Variants in NOS1 observed in about 807,000 individuals in gnomAD.
NOS1 encodes the protein nitric oxide synthase 1.
In NOS1, 51 loss-of-function variants were observed where a neutral mutation model predicts 164.5. The ratio of observed to expected loss-of-function variants is 0.31; its 90% CI spans 0.25 to 0.39. The LOEUF is 0.39. Ranked by LOEUF, NOS1 falls within the 10% of genes least tolerant of loss-of-function variation. NOS1 has a pLI of 1.00. For synonymous variants in NOS1, 719 were observed against 745.8 expected (o/e 0.96, Z 0.59); for missense variants, 1,362 against 1,885.6 (o/e 0.72, Z 5.14).
At chr12:117,233,758 A>G (rs1036861398) in intron 21 of NOS1, among the ~76,000 whole-genome samples, 1 of 149,536 alleles carries the variant, frequency 6.7e-6, no homozygotes, top group Non-Finnish European at 1.5e-5. Flanking sequence ...TGGTGAGCCA[A>G]GATTGCGCCA....
At position 117,214,400 on chromosome 12, in the gene NOS1, C is replaced by T; in HGVS notation, c.*909G>A. ...TCTTTGAACAACATAACTTCCAGGC[C>T]CCTTGGATGCTATTGCTGGAGGAGG... On this transcript the variant is annotated 3_prime_UTR_variant, in exon 29 of 29. Transcript: ENST00000317775. 2 of 985,272 alleles carry T rather than the reference C, an allele frequency of 2.0e-6. No individual in the cohort carries two copies. Among genetic ancestry groups the T allele is most frequent in the Non-Finnish European group, 2.4e-6 (2 of 829,918 alleles). The allele number at this position is 985,272 out of a possible 1,614,324, so 61.0% of individuals were successfully genotyped here.
Position 117,234,748 on chromosome 12 carries a change from T to C in NOS1, c.3052A>G (p.Ile1018Val). ...LQSPKSSRST[I>V]FVRLHTNGSQ... ...CCGTTGGTGTGGAGACGCACGAAGA[T>C]AGTTGACCGACTGCAGGAAATTGCA... is the stretch of plus-strand genomic sequence containing the variant. Residue 1018 changes from isoleucine to valine, a missense_variant, in exon 21 of 29, where the codon ATC (isoleucine) becomes GTC (valine). Around this residue, in one of 4 missense-constraint regions of NOS1, gnomAD observed 737 missense variants for 1,030.3 expected, o/e 0.72. Transcript: ENST00000317775. The surrounding 1 kb of genome is among the most constrained non-coding windows in gnomAD (Gnocchi z 4.3). 1 of 1,609,562 alleles carries C rather than the reference T, an allele frequency of 6.2e-7. No homozygotes were observed. Among genetic ancestry groups the C allele is most frequent in the Non-Finnish European group, 8.5e-7 (1 of 1,176,628 alleles).
chr12:117,232,170 G>C (rs1426323345), intron 21 of NOS1, 39 bp from the exon 22 acceptor site: 16 of 1,604,328 alleles, frequency 1.0e-5, no homozygotes, highest in Admixed American at 1.7e-5. Context: ...GGGTGTGGGA[G>C]GGCTTGAGTC....
At chr12:117,269,579 G>A (rs1223409648) in intron 10 of NOS1, among the ~76,000 whole-genome samples, 1 of 146,472 alleles carries the variant, frequency 6.8e-6, no homozygotes, top group Admixed American at 7.1e-5. Flanking sequence ...TGATTCTCCT[G>A]CCTCAGCCTC....
chr12:117,277,449 G>A (rs1217268728), intron 9 of NOS1, among the ~76,000 whole-genome samples: 4 of 151,570 alleles, frequency 2.6e-5, no homozygotes, highest in Non-Finnish European at 5.9e-5. Flanking sequence ...GCCAAGCATG[G>A]TGGTGTGTGG....
chr12:117,244,702 G>A (rs1448291583), intron 18 of NOS1, among the ~76,000 whole-genome samples: 1 of 152,166 alleles, frequency 6.6e-6, no homozygotes, highest in Admixed American at 6.5e-5. Context: ...TCCATACAAC[G>A]GAATATTATT....
chr12:117,266,355 G>A (rs1277077697), intron 11 of NOS1, among the ~76,000 whole-genome samples: 1 of 152,088 alleles, frequency 6.6e-6, no homozygotes, highest in East Asian at 1.9e-4. Context: ...GAGAACATAC[G>A]ATGTTTGGTT....
intron 18 of NOS1, among the ~76,000 whole-genome samples, chr12:117,244,809 C>T (rs533253703): frequency 1.3e-5 from 2 of 152,264 alleles, no homozygotes; most frequent in East Asian, 1.9e-4. Flanking sequence ...CAAAAGACCA[C>T]ATATTATATG....
At chr12:117,236,158 C>CT (rs768059349) in intron 20 of NOS1, among the ~76,000 whole-genome samples, 3 of 152,190 alleles carry the variant, frequency 2.0e-5, no homozygotes, top group Non-Finnish European at 4.4e-5. Context: ...AAATCAAATC[C>CT]TTTGCACCCT....
intron 2 of NOS1, among the ~76,000 whole-genome samples, chr12:117,312,325 T>C (rs954566252): frequency 1.3e-5 from 2 of 152,206 alleles, no homozygotes; most frequent in Non-Finnish European, 2.9e-5. Flanking sequence ...TGCCTCAGCT[T>C]CCCAAAGTGC....
At chr12:117,319,326 C>T (rs1166170850) in intron 2 of NOS1, among the ~76,000 whole-genome samples, 1 of 152,238 alleles carries the variant, frequency 6.6e-6, no homozygotes, top group African/African-American at 2.4e-5. Context: ...GCTGGGATTA[C>T]AGGCGTGAGC....
At chr12:117,289,694 A>C (rs898417738) in intron 4 of NOS1, among the ~76,000 whole-genome samples, 2 of 152,154 alleles carry the variant, frequency 1.3e-5, no homozygotes, top group Non-Finnish European at 2.9e-5. Context: ...AAGAGTATTT[A>C]AGGGTTTAGG....
At position 117,286,342 on chromosome 12, in the gene NOS1, C is replaced by T. The variant is rs9658355; in HGVS notation, c.1128-76G>A. On this transcript the variant is annotated intron_variant, in intron 5 of 28. Coordinates refer to ENST00000317775, the MANE Select transcript of NOS1 (RefSeq NM_000620.5). ...AAGTTAGTGGAAGGGGAGAGCTATTCCAAGAGGCTGGAAGCTACAAAAAAT... is the reference window on the plus strand; with the variant it reads ...AAGTTAGTGGAAGGGGAGAGCTATTTCAAGAGGCTGGAAGCTACAAAAAAT... 169 of 1,505,176 alleles carry T rather than the reference C, an allele frequency of 1.1e-4. No individual in the cohort carries two copies. The African/African-American group carries it at 2.2e-3, about 20-fold the overall frequency. 93.2% of individuals were successfully genotyped at this position (1,505,176 alleles called of 1,614,324 possible). A position where few individuals can be genotyped will look rare whatever the true frequency, so the allele number is the denominator to read the frequency against.
chr12:117,224,669 T>C (rs1868494488), intron 25 of NOS1, among the ~76,000 whole-genome samples: 1 of 152,244 alleles, frequency 6.6e-6, no homozygotes, highest in Non-Finnish European at 1.5e-5. Context: ...GTCTTTCACA[T>C]AGCACTTGCT....
intron 1 of NOS1, among the ~76,000 whole-genome samples, chr12:117,361,303 G>A (rs1444582930): frequency 6.6e-6 from 1 of 151,250 alleles, no homozygotes; most frequent in African/African-American, 2.4e-5. Context: ...CTCGCCTCCT[G>A]GTAGGAGCCG....
chr12:117,276,595 C>T (rs549423109), intron 9 of NOS1, among the ~76,000 whole-genome samples: 20 of 152,054 alleles, frequency 1.3e-4, no homozygotes, highest in African/African-American at 4.6e-4. Flanking sequence ...CTTTCTTCTA[C>T]CTCTTAACCG....
chr12:117,327,262 G>A (rs1520811), intron 2 of NOS1, among the ~76,000 whole-genome samples: 35,730 of 152,164 alleles, frequency 0.23, 4,712 homozygotes, highest in Non-Finnish European at 0.3. Flanking sequence ...GGGACAGGGA[G>A]CACTGAGGGA....
At chr12:117,283,620 G>C (rs1873863217) in intron 7 of NOS1, among the ~76,000 whole-genome samples, 1 of 152,086 alleles carries the variant, frequency 6.6e-6, no homozygotes, top group Non-Finnish European at 1.5e-5. Context: ...ACTTTGGGAG[G>C]CCGAGGCAGG....
chr12:117,251,436 A>T (rs1005600841), intron 17 of NOS1, among the ~76,000 whole-genome samples: 4 of 151,810 alleles, frequency 2.6e-5, no homozygotes, highest in Admixed American at 6.6e-5. Flanking sequence ...TTTCCATCAC[A>T]ATCTTCAGCT....
Sources: allele counts gnomAD v4.1 joint callset (sites outside exome capture counted in the v4.1 genomes callset), GRCh38; gene constraint gnomAD v4.1.1; regional missense constraint gnomAD v4.1.1; non-coding constraint Gnocchi (gnomAD v3.1); transcripts MANE v1.5; gene names NCBI Gene and HGNC (gene_info 2026-07-23, HGNC 2026-07-21).